Variants in CORO2B observed in about 807,000 individuals in gnomAD.
The protein encoded by CORO2B is coronin 2B, also known as coronin-2B.
In CORO2B, 26 loss-of-function variants were observed where a neutral mutation model predicts 58.8. The ratio of observed to expected loss-of-function variants is 0.44; its 90% CI spans 0.32 to 0.61. The LOEUF is 0.61. Ranked by LOEUF, CORO2B falls within the 20% of genes least tolerant of loss-of-function variation. The pLI is 0.04. For synonymous variants in CORO2B, 242 were observed against 253.8 expected (o/e 0.95, Z 0.44); for missense variants, 460 against 645.1 (o/e 0.71, Z 3.11).
At position 68,594,627 on chromosome 15, in the gene CORO2B, G is replaced by C. The variant is rs754387523; in HGVS notation, c.15+15350G>C. ...ATTTATGCAGGAATATGAGAAAGGG[G>C]CTCTGTTTATTGAACTCATCCTCCA... On this transcript the variant is annotated intron_variant, in intron 1 of 11. Transcript: ENST00000261861. Among the ~76,000 whole-genome samples, 11 of 152,214 alleles carry C rather than the reference G, an allele frequency of 7.2e-5. 1 individual carries two copies. Among genetic ancestry groups the C allele is most frequent in the Non-Finnish European group, 1.0e-4 (7 of 68,040 alleles).
chr15:68,598,974 A>T (rs1414272123), intron 1 of CORO2B, among the ~76,000 whole-genome samples: 1 of 152,008 alleles, frequency 6.6e-6, no homozygotes, highest in Non-Finnish European at 1.5e-5. Flanking sequence ...GGGTTAGGGG[A>T]TCCACCAGCC....
intron 2 of CORO2B, among the ~76,000 whole-genome samples, chr15:68,663,304 TTGA>T (rs1902074597): frequency 6.6e-6 from 1 of 152,250 alleles, no homozygotes; most frequent in African/African-American, 2.4e-5. Context: ...ATTTTGCCTA[TTGA>T]TAAGTATTTC....
upstream of CORO2B, among the ~76,000 whole-genome samples, chr15:68,575,323 C>T (rs1899258480): frequency 6.6e-6 from 1 of 151,752 alleles, no homozygotes; most frequent in Non-Finnish European, 1.5e-5. Flanking sequence ...CTGCAGTGAC[C>T]CTGAGAATAC....
At chr15:68,548,009 A>G in the CORO2B span, among the ~76,000 whole-genome samples, 2 of 151,898 alleles carry the variant, frequency 1.3e-5, no homozygotes, top group African/African-American at 4.8e-5. Context: ...TGTCTCTACT[A>G]AAAATACAAA....
intron 3 of CORO2B, among the ~76,000 whole-genome samples, chr15:68,699,117 T>C (rs1892581937): frequency 6.6e-6 from 1 of 151,850 alleles, no homozygotes; most frequent in Non-Finnish European, 1.5e-5. Context: ...GCATATACAG[T>C]GCGCTTAGAA....
At chr15:68,574,353 G>A (rs1308563995), upstream of CORO2B, among the ~76,000 whole-genome samples, 1 of 152,252 alleles carries the variant, frequency 6.6e-6, no homozygotes, top group Admixed American at 6.5e-5. Flanking sequence ...CCTCTTAGGG[G>A]CTCTACAGCT....
At chr15:68,564,935 A>G in the CORO2B span, among the ~76,000 whole-genome samples, 1 of 152,208 alleles carries the variant, frequency 6.6e-6, no homozygotes, top group Non-Finnish European at 1.5e-5. Context: ...ACAAAGCTAT[A>G]AACAGTATTG....
chr15:68,545,612 C>CTGGGGGAGGGGGGGGGG, the CORO2B span, among the ~76,000 whole-genome samples: 1 of 53,266 alleles, frequency 1.9e-5, no homozygotes, highest in Non-Finnish European at 3.7e-5. Context: ...ATGCGGGGGG[C>CTGGGGGAGGGGGGGGGG]GGGGGGGGTA....
At chr15:68,694,876 G>GAACGAACGTCCTCATT (rs1186942603) in intron 2 of CORO2B, among the ~76,000 whole-genome samples, 1 of 152,202 alleles carries the variant, frequency 6.6e-6, no homozygotes, top group African/African-American at 2.4e-5. Flanking sequence ...ATTTGCAGAG[G>GAACGAACGTCCTCATT]TGTATATGAA....
the CORO2B span, among the ~76,000 whole-genome samples, chr15:68,526,731 G>A: frequency 6.6e-6 from 1 of 152,160 alleles, no homozygotes; most frequent in Admixed American, 6.5e-5. Context: ...TTTTCAAAGA[G>A]CAGAAGTTTT....
intron 1 of CORO2B, among the ~76,000 whole-genome samples, chr15:68,626,150 T>A (rs114873887): frequency 0.016 from 2,460 of 152,262 alleles, 74 homozygotes; most frequent in African/African-American, 0.057. Context: ...AGCAATTTTT[T>A]AAAAATGTTC....
chr15:68,618,547 A>G (rs752040570), intron 1 of CORO2B, among the ~76,000 whole-genome samples: 9 of 152,204 alleles, frequency 5.9e-5, no homozygotes, highest in African/African-American at 7.2e-5. Flanking sequence ...AGCTGAGGAG[A>G]TAGCACTGAT....
intron 2 of CORO2B, among the ~76,000 whole-genome samples, chr15:68,649,537 G>A (rs191087129): frequency 2.6e-5 from 4 of 152,238 alleles, no homozygotes; most frequent in Admixed American, 6.5e-5. Flanking sequence ...GTTCTCCAGC[G>A]TTCAGTCTCA....
chr15:68,593,742 G>A lies in CORO2B; in HGVS notation c.15+14465G>A, dbSNP rs1341551365. Among the ~76,000 whole-genome samples the A allele has an allele frequency of 3.9e-5, 6 of 152,078 alleles. No homozygotes were observed. In the South Asian group the frequency reaches 6.2e-4, roughly 16 times the overall value. On this transcript the variant is annotated intron_variant, in intron 1 of 11. Coordinates refer to ENST00000261861, the MANE Select transcript of CORO2B (RefSeq NM_006091.5). ...TAGTATTTCCAGAAGTGGATGAGCTGTGAAGTGAGTTTGCTCTGAGGTGGC... is the reference window on the plus strand; with the variant it reads ...TAGTATTTCCAGAAGTGGATGAGCTATGAAGTGAGTTTGCTCTGAGGTGGC...
intron 1 of CORO2B, among the ~76,000 whole-genome samples, chr15:68,605,775 T>G (rs1900102805): frequency 7.8e-6 from 1 of 128,310 alleles, no homozygotes; most frequent in African/African-American, 3.1e-5. Flanking sequence ...CAGGCGGGAG[T>G]GCAGTGGCGC....
At chr15:68,675,813 A>G (rs756708268) in intron 2 of CORO2B, among the ~76,000 whole-genome samples, 1 of 152,254 alleles carries the variant, frequency 6.6e-6, no homozygotes, top group East Asian at 1.9e-4. Context: ...TTTACTGAGC[A>G]CCTTCTCTGT....
At chr15:68,545,616 G>C in the CORO2B span, among the ~76,000 whole-genome samples, 5 of 151,652 alleles carry the variant, frequency 3.3e-5, no homozygotes, top group East Asian at 2.0e-4. Flanking sequence ...GGGGGGCGGG[G>C]GGGGTAATAC....
chr15:68,703,619 C>G (rs1196709305), intron 3 of CORO2B, among the ~76,000 whole-genome samples: 1 of 152,182 alleles, frequency 6.6e-6, no homozygotes, highest in Admixed American at 6.5e-5. Flanking sequence ...TATATACAGA[C>G]AGTGGGTACT....
intron 11 of CORO2B, among the ~76,000 whole-genome samples, chr15:68,722,143 G>T (rs112692960): frequency 2.0e-5 from 3 of 152,346 alleles, no homozygotes; most frequent in Middle Eastern, 3.4e-3. Context: ...AAGGGCCTGA[G>T]CTCAGTTCTG....
Sources: gnomAD v4.1 joint callset for allele counts (sites outside exome capture counted in the v4.1 genomes callset) on GRCh38, gnomAD v4.1.1 for gene constraint, MANE v1.5 for transcripts, NCBI Gene and HGNC (gene_info 2026-07-23, HGNC 2026-07-21) for gene names.